Variants in TBC1D8 observed in about 807,000 individuals in gnomAD.
TBC1D8 encodes BUB2-like protein 1.
A neutral mutation model predicts 118.8 loss-of-function variants in TBC1D8; 65 were observed. The ratio of observed to expected loss-of-function variants is 0.55; its 90% CI spans 0.45 to 0.67. The LOEUF (loss-of-function observed/expected upper bound fraction) is 0.67. Among genes scored for constraint, TBC1D8 ranks in the 30% least tolerant of loss-of-function variants. The probability of loss-of-function intolerance (pLI) is 0.00; values close to 1 mark genes in which losing one functional copy is unlikely to be tolerated. For synonymous variants in TBC1D8, 566 were observed against 595.8 expected (o/e 0.95, Z 0.73); for missense variants, 1,376 against 1,471.2 (o/e 0.94, Z 1.06).
At chr2:101,070,668 C>T (rs1317607931) in intron 2 of TBC1D8, among the ~76,000 whole-genome samples, 1 of 152,178 alleles carries the variant, frequency 6.6e-6, no homozygotes, top group Non-Finnish European at 1.5e-5. Flanking sequence ...CTGCATCAGC[C>T]TCCCAAAGTG....
chr2:101,122,518 AATC>A (rs1678177256), intron 1 of TBC1D8, among the ~76,000 whole-genome samples: 2 of 152,052 alleles, frequency 1.3e-5, no homozygotes, highest in African/African-American at 4.8e-5. Context: ...TTATTTATAA[AATC>A]ATGACAGAAA....
At chr2:101,018,194 A>C in intron 17 of TBC1D8, 1 of 347,002 alleles carries the variant, frequency 2.9e-6, no homozygotes, top group Non-Finnish European at 5.3e-6. Context: ...TTTAGAATTC[A>C]AATTATAACA....
intron 1 of TBC1D8, among the ~76,000 whole-genome samples, chr2:101,127,684 T>C (rs981377224): frequency 6.6e-6 from 1 of 152,082 alleles, no homozygotes; most frequent in Non-Finnish European, 1.5e-5. Flanking sequence ...ATTACAAACT[T>C]AGCAACCACA....
intron 9 of TBC1D8, among the ~76,000 whole-genome samples, chr2:101,035,684 A>T (rs1204204017): frequency 6.6e-6 from 1 of 152,330 alleles, no homozygotes; most frequent in East Asian, 1.9e-4. Context: ...TTCAGAGCTC[A>T]CACACTATAG....
At chr2:101,063,090 C>G (rs1682843388) in intron 2 of TBC1D8, among the ~76,000 whole-genome samples, 3 of 152,158 alleles carry the variant, frequency 2.0e-5, no homozygotes, top group Admixed American at 6.5e-5. Flanking sequence ...TTCGGACGAC[C>G]TGATACAGGT....
At chr2:101,020,031 C>T (rs1174823153) in intron 17 of TBC1D8, among the ~76,000 whole-genome samples, 2 of 150,750 alleles carry the variant, frequency 1.3e-5, no homozygotes, top group African/African-American at 4.9e-5. Context: ...CGAGATTGCG[C>T]CACTGCATTC....
In TBC1D8 at chr2:101,007,579, C is replaced by T. The variant is rs1371758567; in HGVS notation, c.*242G>A. The T allele has an allele frequency of 1.8e-5, 9 of 500,458 alleles. No homozygotes were observed. The highest frequency in any genetic ancestry group is 7.2e-5 in the Admixed American group (2 of 27,902). The allele number at this position is 500,458 out of a possible 1,614,324, so 31.0% of individuals were successfully genotyped here. ...GCAGAAGTGCCCATTTCAGCAAATCCGGTAAAAATTGTAAGTTGGCATCAA... is the reference window on the plus strand; with the variant it reads ...GCAGAAGTGCCCATTTCAGCAAATCTGGTAAAAATTGTAAGTTGGCATCAA... On this transcript the variant is annotated 3_prime_UTR_variant, in exon 20 of 20. Coordinates refer to ENST00000409318, the MANE Select transcript of TBC1D8 (RefSeq NM_001330348.2).
chr2:101,051,367 A>G (rs1315402491), intron 4 of TBC1D8, among the ~76,000 whole-genome samples: 1 of 152,238 alleles, frequency 6.6e-6, no homozygotes, highest in African/African-American at 2.4e-5. Context: ...AATTTACACC[A>G]GCAATACCAT....
rs145342021 is a variant in TBC1D8 at position 101,102,431 on chromosome 2, G to A, written c.128-12067C>T. On this transcript the variant is annotated intron_variant, in intron 1 of 19. Transcript: ENST00000409318. ...ACCACGCTGCTGCACTCCAGCTTAG[G>A]TGACAGAGCGAGATTCCATAAAAAG... 8.2e-4 allele frequency among the ~76,000 whole-genome samples: 125 copies of A among 151,710 alleles called. No homozygotes were observed. In the Middle Eastern group the frequency reaches 0.01, roughly 12 times the overall value.
intron 1 of TBC1D8, among the ~76,000 whole-genome samples, chr2:101,112,598 G>A (rs1464470698): frequency 1.3e-5 from 2 of 152,142 alleles, no homozygotes; most frequent in Non-Finnish European, 2.9e-5. Context: ...GACAATCCAG[G>A]ACTATCCACA....
intron 10 of TBC1D8, chr2:101,032,652 G>C (rs934952086): frequency 3.6e-5 from 14 of 393,142 alleles, no homozygotes; most frequent in Non-Finnish European, 6.5e-5. Flanking sequence ...AAGTCTTAAG[G>C]TTGGTTTAAA....
At chr2:101,101,021 G>A (rs1277680909) in intron 1 of TBC1D8, among the ~76,000 whole-genome samples, 2 of 152,210 alleles carry the variant, frequency 1.3e-5, no homozygotes, top group South Asian at 2.1e-4. Context: ...AAAAGCAACT[G>A]CAACAAAAGC....
chr2:101,104,545 C>T (rs935623966), intron 1 of TBC1D8, among the ~76,000 whole-genome samples: 2 of 152,282 alleles, frequency 1.3e-5, no homozygotes, highest in South Asian at 2.1e-4. Context: ...AAATACTTAT[C>T]GTTGACTAAA....
chr2:101,012,654 G>A (rs921116724), intron 17 of TBC1D8, among the ~76,000 whole-genome samples: 2 of 151,636 alleles, frequency 1.3e-5, no homozygotes, highest in African/African-American at 2.4e-5. Flanking sequence ...TGAATTGTAC[G>A]CTTTAAACGG....
intron 1 of TBC1D8, among the ~76,000 whole-genome samples, chr2:101,111,527 T>C (rs1473131753): frequency 1.3e-5 from 2 of 152,120 alleles, no homozygotes; most frequent in Non-Finnish European, 2.9e-5. Context: ...CTGGCCCTCG[T>C]TCTCAAGAAC....
At chr2:101,033,861 C>T in intron 9 of TBC1D8, 103 bp from the exon 10 acceptor site, 1 of 1,314,568 alleles carries the variant, frequency 7.6e-7, no homozygotes, top group Non-Finnish European at 1.0e-6. Flanking sequence ...GGTCTCGTTA[C>T]TTACTGAGGG....
chr2:101,101,506 A>G (rs1238833877), intron 1 of TBC1D8, among the ~76,000 whole-genome samples: 2 of 152,236 alleles, frequency 1.3e-5, no homozygotes, highest in African/African-American at 4.8e-5. Flanking sequence ...TCAAGGATCT[A>G]GAATCAGAAA....
chr2:101,122,664 C>T (rs1678181983), intron 1 of TBC1D8, among the ~76,000 whole-genome samples: 1 of 152,050 alleles, frequency 6.6e-6, no homozygotes. Flanking sequence ...AGCTTGGTTG[C>T]ATAAATGTAA....
intron 1 of TBC1D8, among the ~76,000 whole-genome samples, chr2:101,118,365 G>A (rs969072931): frequency 3.9e-5 from 6 of 152,170 alleles, no homozygotes; most frequent in African/African-American, 1.4e-4. Context: ...TATCCCTGTT[G>A]GCTGACAATA....
Sources: allele counts gnomAD v4.1 joint callset (sites outside exome capture counted in the v4.1 genomes callset), GRCh38; gene constraint gnomAD v4.1.1; transcripts MANE v1.5; gene names NCBI Gene and HGNC (gene_info 2026-07-23, HGNC 2026-07-21).